The following GPATCH2 variants were observed in gnomAD, a reference collection of about 807,000 sequenced individuals.
GPATCH2 encodes G patch domain-containing protein 2.
GPATCH2 carries 51 observed loss-of-function variants against 58.0 expected under a neutral mutation model. That is an observed-to-expected ratio of 0.88 (90% confidence interval 0.70 to 1.11). GPATCH2 has a LOEUF of 1.11. Among genes scored for constraint, GPATCH2 ranks in the 50% most tolerant of loss-of-function variants. GPATCH2 has a pLI of 0.00. For missense variants in GPATCH2, 625 were observed against 652.2 expected (o/e 0.96, Z 0.45); for synonymous variants, 222 against 218.5 (o/e 1.02, Z -0.14).
Position 217,500,301 on chromosome 1 carries a change from C to G in GPATCH2, c.1167-1906G>C, listed in dbSNP as rs569490338. On this transcript the variant is annotated intron_variant, in intron 6 of 9. Coordinates refer to ENST00000366935, the MANE Select transcript of GPATCH2 (RefSeq NM_018040.5). Reference sequence around the variant, plus strand: ...TCCCTTACTCCTCCCTCCTCTTCAGCCTCCAGTGATCTCCTCCCAAAGCCC... The same window carrying G: ...TCCCTTACTCCTCCCTCCTCTTCAGGCTCCAGTGATCTCCTCCCAAAGCCC... Among the ~76,000 whole-genome samples the G allele has an allele frequency of 2.0e-5, 3 of 152,088 alleles. No individual in the cohort carries two copies. In the South Asian group the frequency reaches 6.2e-4, roughly 32 times the overall value.
In GPATCH2 at chr1:217,434,769, G is replaced by GA. The variant is rs553701684; in HGVS notation, c.1367-3405dup. On this transcript the variant is annotated intron_variant, in intron 9 of 9. Transcript: ENST00000366935. ...TGATAATTGATTCACTATTATAATT[G>GA]AAAAATGTTGGTATTTCAAGCAGGG... is the stretch of plus-strand genomic sequence containing the variant. 1.0e-3 allele frequency among the ~76,000 whole-genome samples: 156 copies of GA among 152,248 alleles called. 1 individual carries two copies. Among genetic ancestry groups the GA allele is most frequent in the African/African-American group, 3.4e-3 (142 of 41,542 alleles).
intron 5 of GPATCH2, among the ~76,000 whole-genome samples, chr1:217,557,816 A>G (rs996681120): frequency 6.6e-6 from 1 of 152,150 alleles, no homozygotes; most frequent in African/African-American, 2.4e-5. Context: ...ACTGCCCATT[A>G]ATGTATCTTT....
intron 6 of GPATCH2, among the ~76,000 whole-genome samples, chr1:217,514,129 C>T (rs546156294): frequency 7.6e-5 from 11 of 144,368 alleles, no homozygotes; most frequent in Admixed American, 6.3e-4. Flanking sequence ...GCCTGGCCCC[C>T]CCGCAAAAAA....
chr1:217,527,357 GGTAT>G (rs1247315664), intron 5 of GPATCH2, among the ~76,000 whole-genome samples: 1 of 152,076 alleles, frequency 6.6e-6, no homozygotes, highest in Non-Finnish European at 1.5e-5. Flanking sequence ...GACAATAAGA[GGTAT>G]GTATAGTCAC....
At chr1:217,512,010 G>T (rs377729266) in intron 6 of GPATCH2, among the ~76,000 whole-genome samples, 70 of 152,258 alleles carry the variant, frequency 4.6e-4, no homozygotes, top group African/African-American at 1.5e-3. Flanking sequence ...TGAAAATACA[G>T]ACTTACCAAA....
intron 5 of GPATCH2, among the ~76,000 whole-genome samples, chr1:217,576,906 A>G (rs12145851): frequency 4.5e-4 from 68 of 152,214 alleles, no homozygotes; most frequent in African/African-American, 1.6e-3. Context: ...AATATATTGC[A>G]AGCACTGGTG....
At chr1:217,449,079 A>C (rs1659532969) in intron 9 of GPATCH2, among the ~76,000 whole-genome samples, 170 bp downstream of exon 9, 1 of 152,234 alleles carries the variant, frequency 6.6e-6, no homozygotes, top group South Asian at 2.1e-4. Context: ...GAAGATCTAC[A>C]CATGGAACAT....
At chr1:217,566,146 G>C (rs1238151585) in intron 5 of GPATCH2, among the ~76,000 whole-genome samples, 1 of 108,498 alleles carries the variant, frequency 9.2e-6, no homozygotes. Context: ...AATAAAATAA[G>C]ATGAAAAAGC....
At chr1:217,516,560 C>T (rs1253136308) in intron 5 of GPATCH2, among the ~76,000 whole-genome samples, 1 of 152,128 alleles carries the variant, frequency 6.6e-6, no homozygotes, top group African/African-American at 2.4e-5. Flanking sequence ...ATACAGTAAT[C>T]CATTTTCTAC....
chr1:217,465,287 AAAAG>A (rs1347409118), intron 8 of GPATCH2, among the ~76,000 whole-genome samples: 1 of 152,204 alleles, frequency 6.6e-6, no homozygotes, highest in Non-Finnish European at 1.5e-5. Context: ...AAAGGAAATT[AAAAG>A]AAAGTGATAG....
intron 5 of GPATCH2, among the ~76,000 whole-genome samples, chr1:217,523,617 C>T (rs1051124593): frequency 5.3e-5 from 8 of 151,910 alleles, no homozygotes; most frequent in African/African-American, 1.7e-4. Context: ...CAATCTTTTC[C>T]CCACCTTTCC....
At chr1:217,616,600 G>T (rs1429343425) in intron 2 of GPATCH2, among the ~76,000 whole-genome samples, 2 of 152,104 alleles carry the variant, frequency 1.3e-5, no homozygotes, top group Admixed American at 1.3e-4. Flanking sequence ...ATCTAGAGTT[G>T]TTCCGTGTAC....
chr1:217,524,783 G>C (rs538416009), intron 5 of GPATCH2, among the ~76,000 whole-genome samples: 140 of 144,412 alleles, frequency 9.7e-4, no homozygotes, highest in Non-Finnish European at 1.9e-3. Context: ...ATCAGGCAGG[G>C]AGGTTGCAGT....
At position 217,430,787 on chromosome 1, in the gene GPATCH2, G is replaced by T. The variant is rs1384590264; in HGVS notation, c.*358C>A. 2 of 233,500 alleles carry T rather than the reference G, an allele frequency of 8.6e-6. No homozygotes were observed. The highest frequency in any genetic ancestry group is 1.0e-4 in the Admixed American group (2 of 19,316). 14.5% of individuals were successfully genotyped at this position (233,500 alleles called of 1,614,324 possible). ...GTCTATTCCATTTTAGAAACTGGTG[G>T]GTGTGCTCACGTTTGTCTGGGCATT... On this transcript the variant is annotated 3_prime_UTR_variant, in exon 10 of 10. Coordinates refer to ENST00000366935, the MANE Select transcript of GPATCH2 (RefSeq NM_018040.5).
At chr1:217,515,100 ATT>A (rs776832847) in intron 5 of GPATCH2, among the ~76,000 whole-genome samples, 9 of 143,774 alleles carry the variant, frequency 6.3e-5, no homozygotes, top group Admixed American at 7.0e-5. Flanking sequence ...CCTCTGCTAG[ATT>A]TTTTTTTTTT....
intron 5 of GPATCH2, among the ~76,000 whole-genome samples, chr1:217,576,218 A>AT (rs2102730801): frequency 6.6e-6 from 1 of 152,258 alleles, no homozygotes; most frequent in South Asian, 2.1e-4. Flanking sequence ...ATGAATACAT[A>AT]TTTTTCCTGT....
intron 5 of GPATCH2, among the ~76,000 whole-genome samples, chr1:217,586,502 G>T (rs1281731404): frequency 6.6e-6 from 1 of 151,958 alleles, no homozygotes; most frequent in East Asian, 1.9e-4. Flanking sequence ...GGTCTTCAGG[G>T]GCAATAACAC....
chr1:217,530,517 T>C (rs1664136983), intron 5 of GPATCH2, among the ~76,000 whole-genome samples: 1 of 152,186 alleles, frequency 6.6e-6, no homozygotes, highest in Non-Finnish European at 1.5e-5. Context: ...CTAGCAAGAA[T>C]AAGGAGTTTT....
intron 5 of GPATCH2, among the ~76,000 whole-genome samples, chr1:217,595,826 T>C (rs1417068571): frequency 6.6e-6 from 1 of 152,120 alleles, no homozygotes; most frequent in Non-Finnish European, 1.5e-5. Context: ...GGTAACTCTT[T>C]GAAAATCTGT....
Sources: gnomAD v4.1 joint callset for allele counts (sites outside exome capture counted in the v4.1 genomes callset) on GRCh38, gnomAD v4.1.1 for gene constraint, MANE v1.5 for transcripts, NCBI Gene and HGNC (gene_info 2026-07-23, HGNC 2026-07-21) for gene names.